The following MYO10 variants were observed in gnomAD, a reference collection of about 807,000 sequenced individuals.
The protein encoded by MYO10 is unconventional myosin-X.
MYO10 carries 133 observed loss-of-function variants against 257.3 expected under a neutral mutation model. The ratio of observed to expected loss-of-function variants is 0.52; its 90% CI spans 0.45 to 0.60. The LOEUF is 0.60. Ranked by LOEUF, MYO10 falls within the 20% of genes least tolerant of loss-of-function variation. The probability of loss-of-function intolerance (pLI) is 0.00; values close to 1 mark genes in which losing one functional copy is unlikely to be tolerated. For synonymous variants in MYO10, 1,104 were observed against 1,028.6 expected, an observed-to-expected ratio of 1.07 and a Z score of -1.40; for missense variants, 2,399 against 2,635.7, an observed-to-expected ratio of 0.91 and a Z score of 1.97.
intron 21 of MYO10, among the ~76,000 whole-genome samples, chr5:16,709,346 T>A (rs1738489558): frequency 6.6e-6 from 1 of 152,172 alleles, no homozygotes; most frequent in African/African-American, 2.4e-5. Flanking sequence ...CCCTCTTTAA[T>A]CTTCCTGAGT....
At chr5:16,738,627 T>C (rs953288067) in intron 19 of MYO10, among the ~76,000 whole-genome samples, 4 of 151,900 alleles carry the variant, frequency 2.6e-5, no homozygotes, top group African/African-American at 4.8e-5. Flanking sequence ...GCATGGTGAC[T>C]CAGGGCTGTA....
intron 19 of MYO10, among the ~76,000 whole-genome samples, chr5:16,712,833 G>A (rs534722023): frequency 1.3e-5 from 2 of 152,276 alleles, no homozygotes; most frequent in Middle Eastern, 3.4e-3. Context: ...CCAAAGAACT[G>A]TGGTTCTCTG....
Position 16,835,967 on chromosome 5 carries a change from T to C in MYO10, c.121-17800A>G, listed in dbSNP as rs57119499. Among the ~76,000 whole-genome samples, 292 of 152,280 alleles carry C rather than the reference T, an allele frequency of 1.9e-3. 1 individual carries two copies. The highest frequency in any genetic ancestry group is 6.6e-3 in the African/African-American group (273 of 41,556). On this transcript the variant is annotated intron_variant, in intron 2 of 40. Coordinates refer to ENST00000513610, the MANE Select transcript of MYO10 (RefSeq NM_012334.3). ...ATTGCTGTGTCTTTGTAAGTGTCTA[T>C]GAAAGCAAAGGATGTAAAAGCCCTG...
intron 1 of MYO10, among the ~76,000 whole-genome samples, chr5:16,908,028 T>C (rs1339899371): frequency 6.6e-6 from 1 of 151,552 alleles, no homozygotes; most frequent in Non-Finnish European, 1.5e-5. Context: ...AGGTAAGGAG[T>C]TTGGGACCAG....
chr5:16,689,383 A>C (rs1579830062), intron 28 of MYO10, among the ~76,000 whole-genome samples: 1 of 151,342 alleles, frequency 6.6e-6, no homozygotes, highest in African/African-American at 2.4e-5. Flanking sequence ...GATCTTTAAA[A>C]CCCCCCAGTG....
At chr5:16,796,053 G>A (rs1405961163) in intron 3 of MYO10, among the ~76,000 whole-genome samples, 1 of 151,606 alleles carries the variant, frequency 6.6e-6, no homozygotes. Flanking sequence ...GCCAGGCCCG[G>A]TGGCACACAC....
At chr5:16,738,293 T>C in intron 19 of MYO10, 3 of 985,374 alleles carry the variant, frequency 3.0e-6, no homozygotes, top group Non-Finnish European at 3.6e-6. Context: ...TGGTTAGCAG[T>C]GTCCCAGGCC....
intron 3 of MYO10, among the ~76,000 whole-genome samples, chr5:16,813,121 C>A (rs1742492300): frequency 6.6e-6 from 1 of 152,148 alleles, no homozygotes; most frequent in South Asian, 2.1e-4. Flanking sequence ...GCCAGCAACC[C>A]ATGGAACCTG....
At chr5:16,812,958 A>G (rs1742487852) in intron 3 of MYO10, among the ~76,000 whole-genome samples, 1 of 148,742 alleles carries the variant, frequency 6.7e-6, no homozygotes, top group Non-Finnish European at 1.5e-5. Flanking sequence ...TTTCTACCCC[A>G]TTTCAATAGA....
intron 19 of MYO10, among the ~76,000 whole-genome samples, chr5:16,736,095 T>G (rs1739785927): frequency 6.6e-6 from 1 of 152,202 alleles, no homozygotes; most frequent in Non-Finnish European, 1.5e-5. Context: ...AAAAAAGCCT[T>G]TGCATCCAGG....
At chr5:16,846,158 T>A (rs1743629841) in intron 2 of MYO10, among the ~76,000 whole-genome samples, 1 of 152,190 alleles carries the variant, frequency 6.6e-6, no homozygotes, top group South Asian at 2.1e-4. Context: ...CTTGTTTGCA[T>A]GGGCTACATA....
chr5:16,669,806 C>T lies in MYO10; in HGVS notation c.5883+720G>A, dbSNP rs560705579. On this transcript the variant is annotated intron_variant, in intron 39 of 40. Coordinates refer to ENST00000513610, the MANE Select transcript of MYO10 (RefSeq NM_012334.3). ...CATAAAAAATGGAAGCTAATCTAGA[C>T]GATGAGCTGGCACACTTATCTGTTA... 1.4e-3 allele frequency among the ~76,000 whole-genome samples: 209 copies of T among 152,236 alleles called. 1 individual carries two copies. Among genetic ancestry groups the T allele is most frequent in the Non-Finnish European group, 2.3e-3 (154 of 68,006 alleles).
At chr5:16,845,742 G>A (rs926060432) in intron 2 of MYO10, among the ~76,000 whole-genome samples, 2 of 152,042 alleles carry the variant, frequency 1.3e-5, no homozygotes, top group East Asian at 3.9e-4. Flanking sequence ...GAGGCGGGTG[G>A]ATCACAAGGT....
intron 4 of MYO10, among the ~76,000 whole-genome samples, chr5:16,793,041 C>T (rs1002054670): frequency 1.3e-5 from 2 of 152,182 alleles, no homozygotes; most frequent in South Asian, 2.1e-4. Context: ...TCGGAATCTT[C>T]GTTCACACTG....
At chr5:16,693,568 A>T (rs1240564803) in intron 27 of MYO10, among the ~76,000 whole-genome samples, 2 of 152,246 alleles carry the variant, frequency 1.3e-5, no homozygotes, top group Non-Finnish European at 2.9e-5. Context: ...ATGCTGGCTG[A>T]TTAGAAACAT....
intron 1 of MYO10, among the ~76,000 whole-genome samples, chr5:16,917,353 C>T (rs960818004): frequency 2.0e-5 from 3 of 152,168 alleles, no homozygotes; most frequent in African/African-American, 7.2e-5. Flanking sequence ...TTACCCTTAA[C>T]ACTATTGACC....
At chr5:16,823,673 C>T (rs538602505) in intron 2 of MYO10, among the ~76,000 whole-genome samples, 83 of 150,206 alleles carry the variant, frequency 5.5e-4, no homozygotes, top group East Asian at 3.3e-3. Flanking sequence ...CAGGTTTCAC[C>T]GTGTTAGCCA....
intron 5 of MYO10, among the ~76,000 whole-genome samples, chr5:16,782,637 C>A (rs1451109524): frequency 2.0e-5 from 3 of 152,080 alleles, no homozygotes; most frequent in Non-Finnish European, 2.9e-5. Context: ...AAACAGGCTG[C>A]AAGATATGGG....
At chr5:16,932,924 C>T (rs927638091) in intron 1 of MYO10, among the ~76,000 whole-genome samples, 6 of 152,182 alleles carry the variant, frequency 3.9e-5, no homozygotes, top group African/African-American at 1.4e-4. Flanking sequence ...CATACCACCA[C>T]ACTCAGCTAA....
Sources: gnomAD v4.1 joint callset for allele counts (sites outside exome capture counted in the v4.1 genomes callset) on GRCh38, gnomAD v4.1.1 for gene constraint, MANE v1.5 for transcripts, NCBI Gene and HGNC (gene_info 2026-07-23, HGNC 2026-07-21) for gene names.